VPS4A: variants seen among roughly 807,000 people sequenced by gnomAD.
The protein encoded by VPS4A is vacuolar protein sorting-associated protein 4A.
In VPS4A, 20 loss-of-function variants were observed where a neutral mutation model predicts 52.3. The observed-to-expected ratio is 0.38, with a 90% CI of 0.27 to 0.56. VPS4A has a LOEUF of 0.56. VPS4A is among the 20% of genes least tolerant of loss of function. VPS4A has a pLI of 0.72. For missense variants in VPS4A, 419 were observed against 575.9 expected (o/e 0.73, Z 2.79); for synonymous variants, 293 against 227.7 (o/e 1.29, Z -2.58).
Position 69,320,321 on chromosome 16 carries a change from T to C in VPS4A, c.769+32T>C, listed in dbSNP as rs776428360. ...GCCGGGCCCAGGGCCCCCTTGGTTC[T>C]TGTTGCACCTGAAGCCAACCCTGGG... is the stretch of plus-strand genomic sequence containing the variant. On this transcript the variant is annotated intron_variant, in intron 7 of 10. Transcript: ENST00000254950. The surrounding 1 kb of genome is among the most constrained non-coding windows in gnomAD (Gnocchi z 4.2). The C allele has an allele frequency of 1.2e-6, 2 of 1,603,290 alleles. No homozygotes were observed. Among genetic ancestry groups the C allele is most frequent in the Non-Finnish European group, 1.7e-6 (2 of 1,171,520 alleles).
chr16:69,313,945 T>G (rs1024141178), intron 1 of VPS4A, among the ~76,000 whole-genome samples: 22 of 151,362 alleles, frequency 1.5e-4, no homozygotes, highest in African/African-American at 5.3e-4. Context: ...CCCCTGTGTG[T>G]GAAAAACTGT....
chr16:69,311,567 G>A, intron 1 of VPS4A, 35 bp downstream of exon 1: 1 of 1,284,916 alleles, frequency 7.8e-7, no homozygotes, highest in Non-Finnish European at 1.0e-6. Context: ...TTCGGAGGCC[G>A]AAGGCAGCGG....
Position 69,324,375 on chromosome 16 carries a change from T to G in VPS4A, c.*66T>G. On this transcript the variant is annotated 3_prime_UTR_variant, in exon 11 of 11. Transcript: ENST00000254950. ...TTGGGGCAAATCCAGGCACTCCCCA[T>G]GTCAACAGCCAGACAGGGCTCCAGG... The G allele has an allele frequency of 6.7e-7, 1 of 1,502,218 alleles. No homozygotes were observed. The highest frequency in any genetic ancestry group is 9.2e-7 in the Non-Finnish European group (1 of 1,090,898). 93.1% of individuals were successfully genotyped at this position (1,502,218 alleles called of 1,614,324 possible).
At position 69,321,101 on chromosome 16, in the gene VPS4A, A is replaced by T; in HGVS notation, c.902A>T (p.Gln301Leu). Residue 301 changes from glutamine to leucine, a missense_variant, in exon 9 of 11, where the codon CAG (glutamine) becomes CTG (leucine). Physicochemically the swap from Gln to Leu is moderately radical, Grantham distance 113 (BLOSUM62 -2). This residue lies in a region of VPS4A where 185 missense variants were observed against 200.2 expected (regional missense o/e 0.92). Coordinates refer to ENST00000254950, the MANE Select transcript of VPS4A (RefSeq NM_013245.3). The surrounding 1 kb of genome is among the most constrained non-coding windows in gnomAD (Gnocchi z 4.5). ...IPLPEEAARA[Q>L]MFRLHLGSTP... ...TTGCCGGAGGAAGCTGCCCGCGCCC[A>T]GATGTTCCGGTTGCATCTCGGGAGC... 6.3e-7 allele frequency: 1 copy of T among 1,597,284 alleles called. No individual in the cohort carries two copies. Among genetic ancestry groups the T allele is most frequent in the East Asian group, 2.3e-5 (1 of 43,924 alleles).
At chr16:69,324,130 T>G in intron 10 of VPS4A, 78 bp from the exon 11 acceptor site, 3 of 1,432,412 alleles carry the variant, frequency 2.1e-6, no homozygotes. Flanking sequence ...CACCCTCAGC[T>G]GCGCCTGTTG....
rs1965576807 is a variant in VPS4A at position 69,325,379 on chromosome 16, CGAGAG to C, written c.*1071_*1075del. ...TGGTCTGCCGCTAACATTTAAAAGT[CGAGAG>C]TTGCTGGGCGCGGTGGCTCACGCCT... is the stretch of plus-strand genomic sequence containing the variant. On this transcript the variant is annotated 3_prime_UTR_variant, in exon 11 of 11. Coordinates refer to ENST00000254950, the MANE Select transcript of VPS4A (RefSeq NM_013245.3). 1.4e-5 allele frequency: 2 copies of C among 142,794 alleles called. No homozygotes were observed. The highest frequency in any genetic ancestry group is 5.0e-5 in the African/African-American group (2 of 40,192). 8.8% of individuals were successfully genotyped at this position (142,794 alleles called of 1,614,324 possible).
At position 69,325,953 on chromosome 16, in the gene VPS4A, A is replaced by G; in HGVS notation, c.*1644A>G. ...TCAGTTTGCGACCCCCAACAGACCAAGGACCCAGAGCTGGCAGCCCTGGAC... is the reference window on the plus strand; with the variant it reads ...TCAGTTTGCGACCCCCAACAGACCAGGGACCCAGAGCTGGCAGCCCTGGAC... On this transcript the variant is annotated 3_prime_UTR_variant, in exon 11 of 11. Transcript: ENST00000254950. 6.5e-6 allele frequency: 1 copy of G among 152,692 alleles called. No individual in the cohort carries two copies. Among genetic ancestry groups the G allele is most frequent in the Non-Finnish European group, 1.5e-5 (1 of 68,360 alleles). The allele number at this position is 152,692 out of a possible 1,614,324, so 9.5% of individuals were successfully genotyped here.
rs1226739701 is a variant in VPS4A at position 69,325,051 on chromosome 16, GATCTC to G, written c.*747_*751del. 3 of 152,328 alleles carry G rather than the reference GATCTC, an allele frequency of 2.0e-5. No individual in the cohort carries two copies. Among genetic ancestry groups the G allele is most frequent in the African/African-American group, 7.2e-5 (3 of 41,452 alleles). The allele number at this position is 152,328 out of a possible 1,614,324, so 9.4% of individuals were successfully genotyped here. A position where few individuals can be genotyped will look rare whatever the true frequency, so the allele number is the denominator to read the frequency against. ...TTTTCCCTTCTTGAGCTACCCAAGT[GATCTC>G]ATCTTTCCTTGACTCTTAACTGAGA... On this transcript the variant is annotated 3_prime_UTR_variant, in exon 11 of 11. Coordinates refer to ENST00000254950, the MANE Select transcript of VPS4A (RefSeq NM_013245.3).
chr16:69,316,297 A>G lies in VPS4A; in HGVS notation c.206A>G (p.Lys69Arg). ...KCVQYLDRAE[K>R]LKDYLRSKEK... ...GTGCAGTACCTAGACCGGGCCGAGAAGCTGAAGGATTATTTACGAAGCAAA... is the reference window on the plus strand; with the variant it reads ...GTGCAGTACCTAGACCGGGCCGAGAGGCTGAAGGATTATTTACGAAGCAAA... The change falls in exon 3 of 11, where the codon AAG (lysine) becomes AGG (arginine). Residue 69 changes from lysine to arginine, a missense_variant. Lys to Arg is a conservative substitution (Grantham distance 26). Coordinates refer to ENST00000254950, the MANE Select transcript of VPS4A (RefSeq NM_013245.3). The G allele has an allele frequency of 6.2e-7, 1 of 1,613,880 alleles. No homozygotes were observed. Among genetic ancestry groups the G allele is most frequent in the Non-Finnish European group, 8.5e-7 (1 of 1,179,876 alleles).
Position 69,321,564 on chromosome 16 carries a change from C to A in VPS4A, c.1071+294C>A. 1 of 440,076 alleles carries A rather than the reference C, an allele frequency of 2.3e-6. No individual in the cohort carries two copies. The highest frequency in any genetic ancestry group is 4.2e-6 in the Non-Finnish European group (1 of 239,964). The allele number at this position is 440,076 out of a possible 1,614,324, so 27.3% of individuals were successfully genotyped here. ...ACTGTGTGCTCTTGTGCGGGGTGGACACCAAATCAGTGTTTGGAAAGTGTT... is the reference window on the plus strand; with the variant it reads ...ACTGTGTGCTCTTGTGCGGGGTGGAAACCAAATCAGTGTTTGGAAAGTGTT... On this transcript the variant is annotated intron_variant, in intron 9 of 10. Coordinates refer to ENST00000254950, the MANE Select transcript of VPS4A (RefSeq NM_013245.3). The surrounding 1 kb of genome is among the most constrained non-coding windows in gnomAD (Gnocchi z 4.5).
At chr16:69,316,714 G>A (rs1207676064) in intron 3 of VPS4A, among the ~76,000 whole-genome samples, 1 of 152,192 alleles carries the variant, frequency 6.6e-6, no homozygotes, top group Non-Finnish European at 1.5e-5. Context: ...ACTCACCTCC[G>A]AGCGTTGCCA....
chr16:69,323,530 G>A (rs531142813), intron 10 of VPS4A: 1 of 411,608 alleles, frequency 2.4e-6, no homozygotes, highest in African/African-American at 2.0e-5. Context: ...GCTTTGCGGT[G>A]CAGTGAGGCA....
intron 3 of VPS4A, among the ~76,000 whole-genome samples, chr16:69,317,747 C>G (rs1007912697): frequency 2.7e-5 from 4 of 150,572 alleles, no homozygotes; most frequent in Non-Finnish European, 5.9e-5. Context: ...GAGCCGAGAT[C>G]GAGCCACTAC....
At position 69,326,154 on chromosome 16, in the gene VPS4A, A is replaced by C. The variant is rs1300755392; in HGVS notation, c.*1845A>C. 1.3e-5 allele frequency: 2 copies of C among 152,250 alleles called. No homozygotes were observed. Among genetic ancestry groups the C allele is most frequent in the Non-Finnish European group, 2.9e-5 (2 of 68,070 alleles). The allele number at this position is 152,250 out of a possible 1,614,324, so 9.4% of individuals were successfully genotyped here. On this transcript the variant is annotated 3_prime_UTR_variant, in exon 11 of 11. Transcript: ENST00000254950. ...CTCCAAAACCCAGTACTGCTCCTCT[A>C]CCTTTCAAACCTGGTTGGGCCAGAA...
At position 69,324,566 on chromosome 16, in the gene VPS4A, TC is replaced by T. The variant is rs373089255; in HGVS notation, c.*264del. On this transcript the variant is annotated 3_prime_UTR_variant, in exon 11 of 11. Transcript: ENST00000254950. Reference sequence around the variant, plus strand: ...TGGATGCTCATCAGCTCCTTCTGCCTCCCCCCCTTTTTTTTCCATCTTTTGT... The same window carrying T: ...TGGATGCTCATCAGCTCCTTCTGCCTCCCCCCTTTTTTTTCCATCTTTTGT... 1.1e-5 allele frequency: 5 copies of T among 435,668 alleles called. No individual in the cohort carries two copies. Among genetic ancestry groups the T allele is most frequent in the East Asian group, 3.8e-5 (1 of 26,658 alleles). 27.0% of individuals were successfully genotyped at this position (435,668 alleles called of 1,614,324 possible).
At chr16:69,319,805 G>A (rs1965487716) in intron 6 of VPS4A, among the ~76,000 whole-genome samples, 1 of 152,214 alleles carries the variant, frequency 6.6e-6, no homozygotes, top group South Asian at 2.1e-4. Flanking sequence ...TGCGGTCCCT[G>A]TTGGGGCAGT....
At chr16:69,311,601 C>A in intron 1 of VPS4A, 69 bp downstream of exon 1, 1 of 1,229,268 alleles carries the variant, frequency 8.1e-7, no homozygotes, top group Non-Finnish European at 1.0e-6. Flanking sequence ...CAGAGCCGGG[C>A]GGCGGGCGGG....
Position 69,321,340 on chromosome 16 carries a change from A to G in VPS4A, c.1071+70A>G. 1 of 1,489,616 alleles carries G rather than the reference A, an allele frequency of 6.7e-7. No homozygotes were observed. Among genetic ancestry groups the G allele is most frequent in the Non-Finnish European group, 9.1e-7 (1 of 1,103,672 alleles). 92.3% of individuals were successfully genotyped at this position (1,489,616 alleles called of 1,614,324 possible). A position where few individuals can be genotyped will look rare whatever the true frequency, so the allele number is the denominator to read the frequency against. On this transcript the variant is annotated intron_variant, in intron 9 of 10. Transcript: ENST00000254950. The surrounding 1 kb of genome is among the most constrained non-coding windows in gnomAD (Gnocchi z 4.5). ...CGGGATGTTCGGTTTTTTTTTTCCC[A>G]GCTCCTGGTCCTGCTCCCCGGCTGC...
intron 5 of VPS4A, 78 bp downstream of exon 5, chr16:69,319,020 G>A (rs1965475258): frequency 6.4e-7 from 1 of 1,561,988 alleles, no homozygotes; most frequent in African/African-American, 1.4e-5. Context: ...GCACCCGGGA[G>A]TCAGTGGCGA....
Sources: gnomAD v4.1 joint callset for allele counts (sites outside exome capture counted in the v4.1 genomes callset) on GRCh38, gnomAD v4.1.1 for gene constraint, gnomAD v4.1.1 regional missense constraint, Gnocchi (gnomAD v3.1) non-coding constraint, MANE v1.5 for transcripts, NCBI Gene and HGNC (gene_info 2026-07-23, HGNC 2026-07-21) for gene names.